ZHX1: variants seen among roughly 807,000 people sequenced by gnomAD.
The protein encoded by ZHX1 is zinc fingers and homeoboxes protein 1.
ZHX1 carries 20 observed loss-of-function variants against 61.8 expected under a neutral mutation model. The ratio of observed to expected loss-of-function variants is 0.32; its 90% CI spans 0.23 to 0.47. The LOEUF (loss-of-function observed/expected upper bound fraction) is 0.47, where lower values mean the gene tolerates loss of function less well. ZHX1 is among the 20% of genes least tolerant of loss of function. The pLI is 1.00. For synonymous variants in ZHX1, 318 were observed against 352.6 expected (o/e 0.90, Z 1.10); for missense variants, 800 against 1,034.8 (o/e 0.77, Z 3.11).
chr8:123,253,942 G>A lies in ZHX1; in HGVS notation c.2005C>T (p.Pro669Ser), dbSNP rs765138111. 3.7e-6 allele frequency: 6 copies of A among 1,614,196 alleles called. No individual in the cohort carries two copies. In the Admixed American group the frequency reaches 8.3e-5, roughly 22 times the overall value. ...GSTGKICKKT[P>S]EQLHMLKSAF... ...CTCTTAAGCATGTGCAGCTGCTCAG[G>A]TGTTTTTTTACATATCTTGCCTGTA... is the stretch of plus-strand genomic sequence containing the variant. Residue 669 changes from proline to serine, a missense_variant, in exon 3 of 4, where the codon CCT becomes TCT. Physicochemically the swap from Pro to Ser is moderately conservative, Grantham distance 74. Coordinates refer to ENST00000395571, the MANE Select transcript of ZHX1 (RefSeq NM_007222.5).
At chr8:123,263,040 G>C (rs1261232675) in intron 2 of ZHX1, 1 of 147,786 alleles carries the variant, frequency 6.8e-6, no homozygotes, top group Admixed American at 6.8e-5. Context: ...GGGGAGAGGA[G>C]TGGAGGGGAA....
Position 123,254,004 on chromosome 8 carries a change from G to T in ZHX1, c.1943C>A (p.Ser648Tyr). 6.2e-7 allele frequency: 1 copy of T among 1,614,156 alleles called. No homozygotes were observed. Among genetic ancestry groups the T allele is most frequent in the Non-Finnish European group, 8.5e-7 (1 of 1,180,036 alleles). ...GSSKEEAGETSPADESGAPKS... is the reference protein window; with the variant it reads ...GSSKEEAGETYPADESGAPKS... ...AGGTGCACCAGATTCATCTGCAGGA[G>T]AAGTTTCTCCAGCTTCTTCTTTGGA... Residue 648 changes from serine (S) to tyrosine (Y), a missense_variant, in exon 3 of 4, where the codon TCT becomes TAT. Physicochemically the swap from Ser to Tyr is moderately radical, Grantham distance 144. Coordinates refer to ENST00000395571, the MANE Select transcript of ZHX1 (RefSeq NM_007222.5). This position sits in a 1 kb window ranked among gnomAD's most constrained non-coding sequence, Gnocchi z 4.1.
intron 1 of ZHX1, 85 bp from the exon 2 acceptor site, chr8:123,267,471 TA>T: frequency 1.9e-5 from 8 of 416,940 alleles, no homozygotes; most frequent in Non-Finnish European, 3.4e-5. Flanking sequence ...TAGCTTTTAA[TA>T]AATAAATGTA....
At chr8:123,263,165 A>G (rs1431729558) in intron 2 of ZHX1, among the ~76,000 whole-genome samples, 3 of 151,522 alleles carry the variant, frequency 2.0e-5, no homozygotes, top group Non-Finnish European at 4.4e-5. Context: ...TAGTTTTTGG[A>G]GCTCTGAGAA....
At chr8:123,251,248 T>C (rs1324433476) in intron 3 of ZHX1, among the ~76,000 whole-genome samples, 1 of 152,194 alleles carries the variant, frequency 6.6e-6, no homozygotes, top group African/African-American at 2.4e-5. Context: ...CTGCCATGAC[T>C]GTAAGTTTCT....
upstream of ZHX1, among the ~76,000 whole-genome samples, chr8:123,274,811 A>G (rs1006611595): frequency 1.3e-5 from 2 of 151,848 alleles, no homozygotes; most frequent in African/African-American, 4.8e-5. Context: ...TCCTAATGTC[A>G]CTGCTGGATC....
Position 123,254,155 on chromosome 8 carries a change from A to G in ZHX1, c.1792T>C (p.Leu598=), listed in dbSNP as rs1826000089. 6.2e-7 allele frequency: 1 copy of G among 1,613,960 alleles called. No homozygotes were observed. The highest frequency in any genetic ancestry group is 1.3e-5 in the African/African-American group (1 of 74,898). Reference sequence around the variant, plus strand: ...TTGGTTTGTGCCCTTAACCTATTTAATTCTTCATCTGTAAGTACAGAGCTG... The same window carrying G: ...TTGGTTTGTGCCCTTAACCTATTTAGTTCTTCATCTGTAAGTACAGAGCTG... The part of the protein sequence containing the change: ...LNSSVLTDEE[L]NRLRAQTKLT... The change falls in exon 3 of 4, where the codon TTA becomes CTA. Residue 598 remains leucine (L), a synonymous_variant. Coordinates refer to ENST00000395571, the MANE Select transcript of ZHX1 (RefSeq NM_007222.5). The surrounding 1 kb of genome is among the most constrained non-coding windows in gnomAD (Gnocchi z 4.1).
chr8:123,271,429 G>C (rs1359167611), intron 1 of ZHX1, among the ~76,000 whole-genome samples: 1 of 152,054 alleles, frequency 6.6e-6, no homozygotes, highest in Non-Finnish European at 1.5e-5. Context: ...TATGATATTA[G>C]ATTAAAAACT....
chr8:123,267,624 G>C (rs931260878), intron 1 of ZHX1, among the ~76,000 whole-genome samples: 1 of 151,960 alleles, frequency 6.6e-6, no homozygotes, highest in African/African-American at 2.4e-5. Context: ...ATAACTATTA[G>C]ACCATTTTGA....
At chr8:123,250,864 C>T (rs1825897141) in intron 3 of ZHX1, among the ~76,000 whole-genome samples, 1 of 152,142 alleles carries the variant, frequency 6.6e-6, no homozygotes, top group African/African-American at 2.4e-5. Flanking sequence ...AAAAGGCATG[C>T]TTCTATGCTA....
Position 123,270,631 on chromosome 8 carries a change from A to T in ZHX1, c.-339-3245T>A, listed in dbSNP as rs563230915. ...CCCTATCTCTACAAAAAAAAAAATT[A>T]AAAATTAGCCGGGCGTGGGTGACAC... On this transcript the variant is annotated intron_variant, in intron 1 of 3. Transcript: ENST00000395571. 9.9e-5 allele frequency among the ~76,000 whole-genome samples: 15 copies of T among 151,970 alleles called. No individual in the cohort carries two copies. The South Asian group carries it at 3.1e-3, about 32-fold the overall frequency.
At chr8:123,265,540 G>A (rs1357573812) in intron 2 of ZHX1, among the ~76,000 whole-genome samples, 1 of 151,784 alleles carries the variant, frequency 6.6e-6, no homozygotes, top group Admixed American at 6.6e-5. Flanking sequence ...AAAAAATAAA[G>A]GTGATTTTAT....
At chr8:123,264,312 T>C (rs1826380773) in intron 2 of ZHX1, among the ~76,000 whole-genome samples, 1 of 152,134 alleles carries the variant, frequency 6.6e-6, no homozygotes, top group African/African-American at 2.4e-5. Context: ...TTAAAAAAGA[T>C]TAAAAATAAG....
rs1292769789 is a variant in ZHX1 at position 123,249,025 on chromosome 8, C to T, written c.*1299G>A. On this transcript the variant is annotated 3_prime_UTR_variant, in exon 4 of 4. Coordinates refer to ENST00000395571, the MANE Select transcript of ZHX1 (RefSeq NM_007222.5). ...ATGCATATTCAAGGCTTTTTCATAA[C>T]ATTTTCAATGGCTGAAAAACATTTA... The T allele has an allele frequency of 1.3e-5, 2 of 152,498 alleles. No homozygotes were observed. The highest frequency in any genetic ancestry group is 3.8e-4 in the East Asian group (2 of 5,198). 9.4% of individuals were successfully genotyped at this position (152,498 alleles called of 1,614,324 possible). A position where few individuals can be genotyped will look rare whatever the true frequency, so the allele number is the denominator to read the frequency against.
chr8:123,265,544 AT>A (rs1286305875), intron 2 of ZHX1, among the ~76,000 whole-genome samples: 1 of 152,226 alleles, frequency 6.6e-6, no homozygotes, highest in Non-Finnish European at 1.5e-5. Context: ...AATAAAGGTG[AT>A]TTTATACAAT....
rs2131182156 is a variant in ZHX1 at position 123,250,182 on chromosome 8, A to G, written c.*142T>C. 3 of 447,008 alleles carry G rather than the reference A, an allele frequency of 6.7e-6. No individual in the cohort carries two copies. Among genetic ancestry groups the G allele is most frequent in the Non-Finnish European group, 1.3e-5 (3 of 223,228 alleles). 27.7% of individuals were successfully genotyped at this position (447,008 alleles called of 1,614,324 possible). On this transcript the variant is annotated 3_prime_UTR_variant, in exon 4 of 4. Coordinates refer to ENST00000395571, the MANE Select transcript of ZHX1 (RefSeq NM_007222.5). The stretch of plus-strand genomic sequence containing the variant: ...TAACTTTGGCACAACATTAAGTTCC[A>G]TTTCTTTTGGGTATTGGATCCTGCT...
intron 1 of ZHX1, among the ~76,000 whole-genome samples, chr8:123,269,118 G>C (rs781279828): frequency 1.3e-5 from 2 of 152,148 alleles, no homozygotes; most frequent in Non-Finnish European, 2.9e-5. Context: ...TCCGCCACTC[G>C]TTAGCCATCA....
chr8:123,275,297 A>G (rs1419291886), upstream of ZHX1: 3 of 152,410 alleles, frequency 2.0e-5, no homozygotes, highest in Non-Finnish European at 2.9e-5. Flanking sequence ...CACCGCGGTC[A>G]GAACGTGGAG....
intron 2 of ZHX1, among the ~76,000 whole-genome samples, chr8:123,258,506 C>T (rs1826146454): frequency 6.6e-6 from 1 of 152,154 alleles, no homozygotes; most frequent in Non-Finnish European, 1.5e-5. Context: ...TGGATTGAGC[C>T]AAGGAACTTT....
Sources: allele counts gnomAD v4.1 joint callset (sites outside exome capture counted in the v4.1 genomes callset), GRCh38; gene constraint gnomAD v4.1.1; non-coding constraint Gnocchi (gnomAD v3.1); transcripts MANE v1.5; gene names NCBI Gene and HGNC (gene_info 2026-07-23, HGNC 2026-07-21).